CTNNA3: variants seen among roughly 807,000 people sequenced by gnomAD.
CTNNA3 encodes catenin alpha 3.
A neutral mutation model predicts 95.7 loss-of-function variants in CTNNA3; 76 were observed. The ratio of observed to expected loss-of-function variants is 0.79; its 90% CI spans 0.66 to 0.96. The LOEUF (loss-of-function observed/expected upper bound fraction) is 0.96, where lower values mean the gene tolerates loss of function less well. CTNNA3 is among the 40% of genes least tolerant of loss of function. The probability of loss-of-function intolerance (pLI) is 0.00; values close to 1 mark genes in which losing one functional copy is unlikely to be tolerated. For synonymous variants in CTNNA3, 431 were observed against 374.4 expected (o/e 1.15, Z -1.74); for missense variants, 1,191 against 1,089.8 (o/e 1.09, Z -1.31).
chr10:67,237,236 C>T (rs1323938262), intron 5 of CTNNA3, among the ~76,000 whole-genome samples: 2 of 144,786 alleles, frequency 1.4e-5, no homozygotes, highest in African/African-American at 5.0e-5. Flanking sequence ...TTGCAGCGAC[C>T]TGGATGAGAT....
At chr10:66,471,985 G>A (rs1839151414) in intron 11 of CTNNA3, among the ~76,000 whole-genome samples, 2 of 151,990 alleles carry the variant, frequency 1.3e-5, no homozygotes, top group Non-Finnish European at 1.5e-5. Context: ...ACTGACGTGT[G>A]TAAAAGTATT....
At chr10:67,214,369 T>A (rs1364232936) in intron 6 of CTNNA3, among the ~76,000 whole-genome samples, 1 of 151,740 alleles carries the variant, frequency 6.6e-6, no homozygotes, top group Non-Finnish European at 1.5e-5. Context: ...AAGTCAATAT[T>A]TTTATCCTTC....
chr10:65,958,320 T>A (rs2077773543), intron 17 of CTNNA3, among the ~76,000 whole-genome samples: 1 of 152,186 alleles, frequency 6.6e-6, no homozygotes, highest in South Asian at 2.1e-4. Flanking sequence ...TTCTTTGCAA[T>A]GGGTTCAAAC....
chr10:67,531,541 G>A (rs975117200), intron 4 of CTNNA3, among the ~76,000 whole-genome samples: 2 of 152,176 alleles, frequency 1.3e-5, no homozygotes, highest in African/African-American at 4.8e-5. Flanking sequence ...CCCAATGCCT[G>A]TACCCTCATT....
At chr10:65,977,228 G>A (rs2078223651) in intron 16 of CTNNA3, among the ~76,000 whole-genome samples, 1 of 151,704 alleles carries the variant, frequency 6.6e-6, no homozygotes, top group Admixed American at 6.6e-5. Flanking sequence ...ATAATCACAG[G>A]GACTCACAAC....
intron 11 of CTNNA3, among the ~76,000 whole-genome samples, chr10:66,444,412 G>C (rs1182319916): frequency 6.6e-6 from 1 of 152,056 alleles, no homozygotes; most frequent in Non-Finnish European, 1.5e-5. Context: ...AAATGGTAAG[G>C]GCAGCCAGAG....
At position 66,170,072 on chromosome 10, in the gene CTNNA3, T is replaced by C. The variant is rs185087832; in HGVS notation, c.1885-66823A>G. On this transcript the variant is annotated intron_variant, in intron 13 of 17. Coordinates refer to ENST00000433211, the MANE Select transcript of CTNNA3 (RefSeq NM_013266.4). ...CGTTTTTGTTGCATTTGTATTTGGGTTCTTGGTCATGAAATCTTTGCCCAA... is the reference window on the plus strand; with the variant it reads ...CGTTTTTGTTGCATTTGTATTTGGGCTCTTGGTCATGAAATCTTTGCCCAA... Among the ~76,000 whole-genome samples, 196 of 152,180 alleles carry C rather than the reference T, an allele frequency of 1.3e-3. 1 individual carries two copies. The highest frequency in any genetic ancestry group is 4.4e-3 in the African/African-American group (184 of 41,548).
At chr10:66,396,029 T>C (rs2092973637) in intron 11 of CTNNA3, among the ~76,000 whole-genome samples, 1 of 152,030 alleles carries the variant, frequency 6.6e-6, no homozygotes, top group South Asian at 2.1e-4. Flanking sequence ...AAGTGAGAAC[T>C]TGTGGTACTT....
chr10:67,590,106 TATTA>T (rs773096871), intron 3 of CTNNA3, among the ~76,000 whole-genome samples: 36 of 152,222 alleles, frequency 2.4e-4, no homozygotes, highest in Middle Eastern at 3.4e-3. Flanking sequence ...ATACAAAATA[TATTA>T]ATTATCTGTT....
rs576608598 is a variant in CTNNA3, at chr10:66,766,269, C to G, written c.1276G>C (p.Val426Leu). 3 of 1,613,658 alleles carry G rather than the reference C, an allele frequency of 1.9e-6. No individual in the cohort carries two copies. In the Admixed American group the frequency reaches 5.0e-5, roughly 27 times the overall value. The part of the protein sequence containing the change: ...AIFHEHTSRL[V>L]EVANLACSMS... Reference sequence around the variant, plus strand: ...TACAGTTCTAGCATGCTTACCTCTACAAGCCTGCTGGTGTGTTCATGAAAT... The same window carrying G: ...TACAGTTCTAGCATGCTTACCTCTAGAAGCCTGCTGGTGTGTTCATGAAAT... The change falls in exon 9 of 18, where the codon GTA becomes CTA. Residue 426 changes from valine to leucine, a missense_variant. Coordinates refer to ENST00000433211, the MANE Select transcript of CTNNA3 (RefSeq NM_013266.4).
intron 15 of CTNNA3, among the ~76,000 whole-genome samples, chr10:66,061,499 T>C (rs1195796611): frequency 6.6e-6 from 1 of 152,116 alleles, no homozygotes; most frequent in Non-Finnish European, 1.5e-5. Context: ...TAAATGCCTG[T>C]CCCTCTTCTC....
intron 12 of CTNNA3, among the ~76,000 whole-genome samples, chr10:66,377,605 C>A (rs754311290): frequency 5.1e-4 from 78 of 151,828 alleles, no homozygotes; most frequent in Non-Finnish European, 8.2e-4. Context: ...AAATATTAGT[C>A]CTCCTAGATT....
chr10:66,066,746 A>G (rs147012190), intron 15 of CTNNA3, among the ~76,000 whole-genome samples: 67 of 152,334 alleles, frequency 4.4e-4, no homozygotes, highest in African/African-American at 1.6e-3. Context: ...AGAAGAATAC[A>G]AAGTAGAACT....
intron 1 of CTNNA3, among the ~76,000 whole-genome samples, chr10:67,659,734 G>A (rs865868261): frequency 4.1e-4 from 62 of 152,284 alleles, no homozygotes; most frequent in Middle Eastern, 6.8e-3. Context: ...CTTTGAAAGT[G>A]ACAGAGGCTT....
chr10:67,317,508 C>A (rs1217036022), intron 5 of CTNNA3, among the ~76,000 whole-genome samples: 1 of 151,872 alleles, frequency 6.6e-6, no homozygotes, highest in Non-Finnish European at 1.5e-5. Flanking sequence ...TCACTGCAAC[C>A]TCCGCCTTCC....
At chr10:67,231,923 G>A (rs1331853886) in intron 5 of CTNNA3, among the ~76,000 whole-genome samples, 8 of 152,170 alleles carry the variant, frequency 5.3e-5, no homozygotes, top group African/African-American at 7.2e-5. Context: ...AATGGAAGAT[G>A]AAATGAATGA....
intron 6 of CTNNA3, among the ~76,000 whole-genome samples, chr10:67,212,305 A>G (rs908725671): frequency 3.9e-5 from 6 of 152,010 alleles, no homozygotes; most frequent in Admixed American, 1.3e-4. Flanking sequence ...CCACTCCTCA[A>G]TATTGCATAA....
At position 65,964,158 on chromosome 10, in the gene CTNNA3, G is replaced by C. The variant is rs575137506; in HGVS notation, c.2400+2454C>G. On this transcript the variant is annotated intron_variant, in intron 17 of 17. Coordinates refer to ENST00000433211, the MANE Select transcript of CTNNA3 (RefSeq NM_013266.4). ...CAAGAGATCTTATAGAAAAATGATA[G>C]ATTAGATCTTCTGAATTTAAAGAAT... Among the ~76,000 whole-genome samples, 483 of 152,232 alleles carry C rather than the reference G, an allele frequency of 3.2e-3. 2 individuals are homozygous for C. The highest frequency in any genetic ancestry group is 5.5e-3 in the Non-Finnish European group (374 of 68,002).
chr10:66,548,223 G>A (rs965774076), intron 10 of CTNNA3, among the ~76,000 whole-genome samples: 6 of 151,920 alleles, frequency 3.9e-5, no homozygotes, highest in Admixed American at 3.3e-4. Flanking sequence ...GGCTGTATTT[G>A]ATATTTTTGA....
Sources: allele counts gnomAD v4.1 joint callset (sites outside exome capture counted in the v4.1 genomes callset), GRCh38; gene constraint gnomAD v4.1.1; transcripts MANE v1.5; gene names NCBI Gene and HGNC (gene_info 2026-07-23, HGNC 2026-07-21).